MYO7A: variants seen among roughly 807,000 people sequenced by gnomAD.
The protein encoded by MYO7A is unconventional myosin-VIIa.
MYO7A carries 210 observed loss-of-function variants against 263.8 expected under a neutral mutation model. The observed-to-expected ratio is 0.80, with a 90% CI of 0.71 to 0.89. The LOEUF is 0.89. MYO7A is among the 40% of genes least tolerant of loss of function. The pLI, the probability that MYO7A is intolerant of heterozygous loss-of-function variation, is 0.00. For missense variants in MYO7A, 2,820 were observed against 2,968.3 expected (o/e 0.95, Z 1.16); for synonymous variants, 1,239 against 1,197.3 (o/e 1.03, Z -0.72).
At chr11:77,159,819 G>T (rs1370176185) in intron 10 of MYO7A, among the ~76,000 whole-genome samples, 5 of 152,208 alleles carry the variant, frequency 3.3e-5, no homozygotes, top group African/African-American at 1.2e-4. Context: ...AAGGGCACTG[G>T]TGTCCCTGGG....
intron 31 of MYO7A, 101 bp downstream of exon 31, chr11:77,192,379 C>A: frequency 1.6e-6 from 2 of 1,241,846 alleles, no homozygotes; most frequent in Non-Finnish European, 2.3e-6. Flanking sequence ...TTAGCTCAGG[C>A]TGGGGTGAGC....
At position 77,182,126 on chromosome 11, in the gene MYO7A, T is replaced by C. The variant is rs2135494876; in HGVS notation, c.3080T>C (p.Leu1027Pro). 6.2e-7 allele frequency: 1 copy of C among 1,613,378 alleles called. No homozygotes were observed. The highest frequency in any genetic ancestry group is 1.1e-5 in the South Asian group (1 of 91,078). Residue 1027 changes from leucine to proline, a missense_variant, in exon 24 of 49, where the codon CTC becomes CCC. Coordinates refer to ENST00000409709, the MANE Select transcript of MYO7A (RefSeq NM_000260.4). ...CGGCGGCCACTCAAACAGCCACTGC[T>C]CTACCATGACGACGAGGGTGACCAG... ...YTRRPLKQPL[L>P]YHDDEGDQLA...
At chr11:77,178,919 C>T in intron 19 of MYO7A, 126 bp from the exon 20 acceptor site, 1 of 710,766 alleles carries the variant, frequency 1.4e-6, no homozygotes, top group South Asian at 1.7e-5. Context: ...AGTTATGTGC[C>T]TTGCCCAAGG....
At chr11:77,193,157 G>A (rs530448857) in intron 31 of MYO7A, among the ~76,000 whole-genome samples, 3 of 150,446 alleles carry the variant, frequency 2.0e-5, no homozygotes, top group South Asian at 2.1e-4. Flanking sequence ...TGGAGGTAGC[G>A]ATGGTGTTGG....
At chr11:77,193,013 G>GTGTTGGTGA (rs1956275545) in intron 31 of MYO7A, among the ~76,000 whole-genome samples, 1 of 142,712 alleles carries the variant, frequency 7.0e-6, no homozygotes, top group African/African-American at 2.7e-5. Flanking sequence ...GTTGGTGATG[G>GTGTTGGTGA]TGGAGGTAGC....
chr11:77,141,508 G>A (rs1476811452), intron 2 of MYO7A, among the ~76,000 whole-genome samples: 3 of 137,368 alleles, frequency 2.2e-5, no homozygotes, highest in Admixed American at 7.1e-5. Flanking sequence ...CAACTCCTAG[G>A]GAGTTGGAGT....
intron 36 of MYO7A, among the ~76,000 whole-genome samples, chr11:77,201,860 G>A (rs1277906279): frequency 2.1e-5 from 3 of 145,750 alleles, no homozygotes; most frequent in Non-Finnish European, 3.0e-5. Flanking sequence ...GGGTGGGGCC[G>A]GGGGTGGGGA....
chr11:77,149,939 C>T (rs1330902704), intron 4 of MYO7A, among the ~76,000 whole-genome samples: 2 of 152,130 alleles, frequency 1.3e-5, no homozygotes, highest in Admixed American at 6.5e-5. Context: ...CCGCTGGTGT[C>T]CACACCCCAG....
Position 77,147,879 on chromosome 11 carries a change from C to T in MYO7A, c.214C>T (p.Arg72Cys), listed in dbSNP as rs1210937627. ...GGTCCACGGCGTGGAGGACATGATC[C>T]GCCTGGGGGACCTCAACGAGGCGGG... Reference protein sequence around the residue: ...TSVHGVEDMIRLGDLNEAGIL... With the variant: ...TSVHGVEDMICLGDLNEAGIL... Residue 72 changes from arginine (R) to cysteine (C), a missense_variant, in exon 4 of 49, where the codon CGC becomes TGC. Physicochemically the swap from Arg to Cys is radical, Grantham distance 180. Transcript: ENST00000409709. 4 of 1,600,748 alleles carry T rather than the reference C, an allele frequency of 2.5e-6. No homozygotes were observed. Among genetic ancestry groups the T allele is most frequent in the African/African-American group, 2.7e-5 (2 of 74,680 alleles).
chr11:77,133,803 C>T (rs1432358136), intron 2 of MYO7A, among the ~76,000 whole-genome samples: 6 of 152,130 alleles, frequency 3.9e-5, no homozygotes, highest in Non-Finnish European at 7.4e-5. Context: ...ATCTTTTCCT[C>T]CTCAATTCCT....
At chr11:77,209,798 A>C (rs1283521750) in intron 44 of MYO7A, among the ~76,000 whole-genome samples, 1 of 152,014 alleles carries the variant, frequency 6.6e-6, no homozygotes, top group African/African-American at 2.4e-5. Context: ...TCCTTTCTCC[A>C]CAGGGTGGTC....
At position 77,184,596 on chromosome 11, in the gene MYO7A, G is replaced by C. The variant is rs372050452; in HGVS notation, c.3384G>C (p.Lys1128Asn). Reference protein sequence around the residue: ...KKSKLTEEVTKRLHDGESTVQ... With the variant: ...KKSKLTEEVTNRLHDGESTVQ... ...CTCTCCCTCTGGCCCAGGTGACCAA[G>C]AGGCTGCATGACGGGGAGTCCACAG... Residue 1128 changes from lysine to asparagine, a missense_variant, in exon 27 of 49, where the codon AAG becomes AAC. Transcript: ENST00000409709. 39 of 1,564,128 alleles carry C rather than the reference G, an allele frequency of 2.5e-5. No individual in the cohort carries two copies. The African/African-American group carries it at 5.2e-4, about 21-fold the overall frequency.
intron 18 of MYO7A, 86 bp downstream of exon 18, chr11:77,175,550 G>A (rs1222376070): frequency 4.0e-6 from 5 of 1,247,812 alleles, no homozygotes; most frequent in Non-Finnish European, 5.8e-6. Context: ...GAGGGAGGCA[G>A]TGCTGGGGCT....
chr11:77,181,038 T>C (rs782328384), intron 22 of MYO7A, among the ~76,000 whole-genome samples: 21 of 152,254 alleles, frequency 1.4e-4, no homozygotes, highest in Non-Finnish European at 3.1e-4. Flanking sequence ...ACGTGGCTAC[T>C]ATATGGGTGG....
intron 11 of MYO7A, 30 bp downstream of exon 11, chr11:77,160,312 G>A (rs372174124): frequency 9.8e-5 from 151 of 1,542,124 alleles, no homozygotes; most frequent in Non-Finnish European, 1.1e-4. Context: ...CCGCTTGCTC[G>A]CCCTACCCCT....
intron 2 of MYO7A, among the ~76,000 whole-genome samples, chr11:77,133,268 GTGTGGCACACC>G: frequency 6.6e-6 from 1 of 152,282 alleles, no homozygotes; most frequent in East Asian, 1.9e-4. Context: ...TGGCGCACCT[GTGTGGCACACC>G]TGACTCACAT....
chr11:77,209,075 C>G (rs1396555679), intron 44 of MYO7A: 2 of 432,568 alleles, frequency 4.6e-6, no homozygotes, highest in Admixed American at 7.5e-5. Flanking sequence ...CGGGGCTATC[C>G]TCTGACTTCG....
chr11:77,212,796 G>A (rs567659466), intron 46 of MYO7A, 156 bp from the exon 47 acceptor site: 79 of 665,368 alleles, frequency 1.2e-4, no homozygotes, highest in African/African-American at 7.8e-4. Flanking sequence ...AGGGCCCAGC[G>A]GAGGTGGAAG....
chr11:77,194,832 G>A (rs1215248908), intron 32 of MYO7A, among the ~76,000 whole-genome samples: 1 of 152,172 alleles, frequency 6.6e-6, no homozygotes, highest in African/African-American at 2.4e-5. Context: ...GGCGGTGGAT[G>A]CTAGACAGAG....
Sources: allele counts gnomAD v4.1 joint callset (sites outside exome capture counted in the v4.1 genomes callset), GRCh38; gene constraint gnomAD v4.1.1; transcripts MANE v1.5; gene names NCBI Gene and HGNC (gene_info 2026-07-23, HGNC 2026-07-21).